Variants in INPP4B observed in about 807,000 individuals in gnomAD.
The protein encoded by INPP4B is inositol polyphosphate 4-phosphatase type II.
Under a neutral mutation model 122.5 loss-of-function variants are expected in INPP4B, and 55 were observed. The observed-to-expected ratio is 0.45, with a 90% CI of 0.36 to 0.56. INPP4B has a LOEUF of 0.56. Among genes scored for constraint, INPP4B ranks in the 20% least tolerant of loss-of-function variants. The pLI is 0.00. For missense variants in INPP4B, 1,000 were observed against 1,097.7 expected, an observed-to-expected ratio of 0.91 and a Z score of 1.26; for synonymous variants, 403 against 388.7, an observed-to-expected ratio of 1.04 and a Z score of -0.43.
chr4:142,687,625 G>GT (rs1759555516), intron 2 of INPP4B, among the ~76,000 whole-genome samples: 1 of 151,420 alleles, frequency 6.6e-6, no homozygotes, highest in Admixed American at 6.6e-5. Context: ...CCCAGGTAAT[G>GT]TGAGTTGTGC....
chr4:142,391,449 T>C (rs1014258552), intron 7 of INPP4B, among the ~76,000 whole-genome samples: 2 of 152,026 alleles, frequency 1.3e-5, no homozygotes, highest in African/African-American at 4.8e-5. Context: ...GTAATCCCAG[T>C]TACTTGGGAG....
chr4:142,731,468 C>T (rs921188193), intron 1 of INPP4B, among the ~76,000 whole-genome samples: 8 of 152,016 alleles, frequency 5.3e-5, no homozygotes, highest in Non-Finnish European at 1.0e-4. Context: ...ATCCATATAG[C>T]AAGACAATAA....
intron 1 of INPP4B, among the ~76,000 whole-genome samples, chr4:142,740,336 A>C (rs571482526): frequency 6.6e-6 from 1 of 152,116 alleles, no homozygotes; most frequent in Non-Finnish European, 1.5e-5. Flanking sequence ...CATTGTGCTC[A>C]ATAAGTAGAT....
chr4:142,426,903 G>GA (rs1808202686), intron 5 of INPP4B: 1 of 151,800 alleles, frequency 6.6e-6, no homozygotes, highest in South Asian at 2.1e-4. Flanking sequence ...AAAATTAGAC[G>GA]AAAAAGCCCT....
intron 21 of INPP4B, among the ~76,000 whole-genome samples, chr4:142,116,848 G>C (rs538788330): frequency 2.0e-5 from 3 of 151,646 alleles, no homozygotes; most frequent in Admixed American, 2.0e-4. Context: ...ACAAAAAACC[G>C]TTCAAAAAAA....
At chr4:142,187,534 A>G (rs1212611157) in intron 15 of INPP4B, among the ~76,000 whole-genome samples, 1 of 151,892 alleles carries the variant, frequency 6.6e-6, no homozygotes, top group Non-Finnish European at 1.5e-5. Context: ...ATCTATCTAT[A>G]TATAAATATA....
At chr4:142,227,835 G>C (rs1274876623) in intron 12 of INPP4B, among the ~76,000 whole-genome samples, 1 of 124,084 alleles carries the variant, frequency 8.1e-6, no homozygotes, top group Non-Finnish European at 1.6e-5. Flanking sequence ...TCCAGCCTGG[G>C]CAACAGAGGG....
chr4:142,117,147 C>T (rs894262398), intron 21 of INPP4B, among the ~76,000 whole-genome samples: 5 of 151,992 alleles, frequency 3.3e-5, no homozygotes. Flanking sequence ...CAATGACAGG[C>T]TCTGAAATTG....
At chr4:142,755,160 A>C (rs533466799) in intron 1 of INPP4B, among the ~76,000 whole-genome samples, 1 of 152,072 alleles carries the variant, frequency 6.6e-6, no homozygotes, top group South Asian at 2.1e-4. Flanking sequence ...ATCTTTTCTT[A>C]AGTTAGCATT....
At chr4:142,051,635 C>T (rs928303586) in intron 25 of INPP4B, among the ~76,000 whole-genome samples, 6 of 152,024 alleles carry the variant, frequency 3.9e-5, no homozygotes, top group East Asian at 1.9e-4. Context: ...TTGGTACACA[C>T]ATTTAACATC....
At chr4:142,281,792 T>C (rs1325302172) in intron 9 of INPP4B, among the ~76,000 whole-genome samples, 4 of 152,064 alleles carry the variant, frequency 2.6e-5, no homozygotes, top group Non-Finnish European at 4.4e-5. Context: ...TTAGGATTTG[T>C]TTTAAATGTT....
At chr4:142,635,415 C>A (rs1031977614) in intron 2 of INPP4B, among the ~76,000 whole-genome samples, 4 of 152,258 alleles carry the variant, frequency 2.6e-5, no homozygotes, top group African/African-American at 9.6e-5. Flanking sequence ...CATTAATGTT[C>A]ATTGCAGCAC....
At chr4:142,790,614 C>T (rs910198822) in intron 1 of INPP4B, among the ~76,000 whole-genome samples, 1 of 151,612 alleles carries the variant, frequency 6.6e-6, no homozygotes, top group African/African-American at 2.4e-5. Context: ...TTTCAAAGCC[C>T]AAGGCCTATA....
rs570927939 is a variant in INPP4B at position 142,230,567 on chromosome 4, C to T, written c.836+7297G>A. ...GTTGAGGTAGGAGAAACACTTGAAC[C>T]CAGGAGGCGAGGTTTTGGTGAGCCG... On this transcript the variant is annotated intron_variant, in intron 12 of 25. Transcript: ENST00000262992. Among the ~76,000 whole-genome samples, 4 of 148,796 alleles carry T rather than the reference C, an allele frequency of 2.7e-5. No homozygotes were observed. In the South Asian group the frequency reaches 8.6e-4, roughly 32 times the overall value.
chr4:142,514,792 C>CTTTTTTTTTTT (rs3078620), intron 2 of INPP4B, among the ~76,000 whole-genome samples: 1 of 121,780 alleles, frequency 8.2e-6, no homozygotes, highest in Non-Finnish European at 1.7e-5. Context: ...ACCATGATTT[C>CTTTTTTTTTTT]TTTTTTTTTT....
chr4:142,252,880 A>C (rs1733075592), intron 11 of INPP4B, among the ~76,000 whole-genome samples: 1 of 152,076 alleles, frequency 6.6e-6, no homozygotes, highest in South Asian at 2.1e-4. Context: ...TAGTTTAACA[A>C]GGGGTTATGT....
intron 2 of INPP4B, among the ~76,000 whole-genome samples, chr4:142,697,619 A>T (rs1761197484): frequency 6.6e-6 from 1 of 152,170 alleles, no homozygotes; most frequent in Non-Finnish European, 1.5e-5. Context: ...TTGCTTTATT[A>T]CTTTATATGG....
At chr4:142,168,496 G>A (rs1337133571) in intron 16 of INPP4B, among the ~76,000 whole-genome samples, 2 of 151,516 alleles carry the variant, frequency 1.3e-5, no homozygotes, top group South Asian at 4.1e-4. Flanking sequence ...TTCAAGCCTT[G>A]TTTTCAAACC....
intron 7 of INPP4B, among the ~76,000 whole-genome samples, chr4:142,321,027 G>A (rs999535594): frequency 6.6e-6 from 1 of 152,154 alleles, no homozygotes; most frequent in Admixed American, 6.5e-5. Flanking sequence ...CTTTTAGTAT[G>A]TTAAGGAATC....
Sources: allele counts gnomAD v4.1 joint callset (sites outside exome capture counted in the v4.1 genomes callset), GRCh38; gene constraint gnomAD v4.1.1; transcripts MANE v1.5; gene names NCBI Gene and HGNC (gene_info 2026-07-23, HGNC 2026-07-21).